The following HP1BP3 variants were observed in gnomAD, a reference collection of about 807,000 sequenced individuals.
HP1BP3 encodes heterochromatin protein 1 binding protein 3, also known as heterochromatin protein 1-binding protein 3.
Under a neutral mutation model 62.5 loss-of-function variants are expected in HP1BP3, and 12 were observed. The observed-to-expected ratio is 0.19, with a 90% CI of 0.12 to 0.31. The LOEUF (loss-of-function observed/expected upper bound fraction) is 0.31, where lower values mean the gene tolerates loss of function less well. HP1BP3 is among the 10% of genes least tolerant of loss of function. The pLI is 1.00. For synonymous variants in HP1BP3, 260 were observed against 237.8 expected (o/e 1.09, Z -0.86); for missense variants, 502 against 651.8 (o/e 0.77, Z 2.50).
Position 20,750,322 on chromosome 1 carries a change from AACACACACACACACACACAC to A in HP1BP3, c.982-460_982-441del, listed in dbSNP as rs67464129. On this transcript the variant is annotated intron_variant, in intron 9 of 12. Coordinates refer to ENST00000438032, the MANE Select transcript of HP1BP3 (RefSeq NM_001372052.1). ...CATGGCGAAACCTGTCTCTACTAAA[AACACACACACACACACACAC>A]ACACACACACACACACACACACACA... 6.0e-3 allele frequency: 836 copies of A among 139,182 alleles called. 10 individuals are homozygous for A. The highest frequency in any genetic ancestry group is 0.018 in the South Asian group (80 of 4,448). The allele number at this position is 139,182 out of a possible 1,614,324, so 8.6% of individuals were successfully genotyped here.
rs1320541738 is a variant in HP1BP3, at chr1:20,767,576, T to C, written c.735+8A>G. 6.3e-7 allele frequency: 1 copy of C among 1,583,364 alleles called. No individual in the cohort carries two copies. The highest frequency in any genetic ancestry group is 1.7e-5 in the Admixed American group (1 of 58,668). The stretch of plus-strand genomic sequence containing the variant: ...CACAGCACTCAAACTGTGGTATAGA[T>C]GTCTTACCTTTCTGTTTCTGGATTT... On this transcript the variant is annotated splice_region_variant and intron_variant, in intron 7 of 12. Transcript: ENST00000438032.
At chr1:20,782,908 GAAA>G (rs1056907677) in intron 1 of HP1BP3, among the ~76,000 whole-genome samples, 304 of 119,900 alleles carry the variant, frequency 2.5e-3, no homozygotes, top group Middle Eastern at 5.0e-3. Flanking sequence ...TCAAAAAAAA[GAAA>G]AAAAAAAAAA....
rs1402731578 is a variant in HP1BP3, at chr1:20,742,452, T to C, written c.*2345A>G. 2.6e-5 allele frequency among the ~76,000 whole-genome samples: 4 copies of C among 152,246 alleles called. No individual in the cohort carries two copies. Among genetic ancestry groups the C allele is most frequent in the Non-Finnish European group, 5.9e-5 (4 of 68,040 alleles). ...AAGCAGTCTTTAATAAAATACAAAA[T>C]GATTTTTTAAACCTTTGATTCATTA... is the stretch of plus-strand genomic sequence containing the variant. On this transcript the variant is annotated 3_prime_UTR_variant, in exon 13 of 13. Transcript: ENST00000438032.
At position 20,780,451 on chromosome 1, in the gene HP1BP3, T is replaced by C. The variant is rs780941769; in HGVS notation, c.-11A>G. 4.4e-6 allele frequency: 7 copies of C among 1,591,080 alleles called. No individual in the cohort carries two copies. In the East Asian group the frequency reaches 8.9e-5, roughly 20 times the overall value. ...CGTATCAGTCGCCATTTTAAATAAT[T>C]TCTAGGCCCGAGTACAGGTTACACT... On this transcript the variant is annotated 5_prime_UTR_variant, in exon 2 of 13. Coordinates refer to ENST00000438032, the MANE Select transcript of HP1BP3 (RefSeq NM_001372052.1).
intron 5 of HP1BP3, among the ~76,000 whole-genome samples, chr1:20,772,874 CATAAAT>C (rs1376746037): frequency 6.6e-6 from 1 of 152,116 alleles, no homozygotes; most frequent in African/African-American, 2.4e-5. Context: ...TCAATGAAAT[CATAAAT>C]CTATGTAAGG....
chr1:20,753,240 C>A (rs2055888281), intron 9 of HP1BP3, among the ~76,000 whole-genome samples: 1 of 152,168 alleles, frequency 6.6e-6, no homozygotes, highest in Non-Finnish European at 1.5e-5. Context: ...CCGCGCCTGA[C>A]CTGTAATACT....
chr1:20,758,296 T>C (rs566875031), intron 8 of HP1BP3, among the ~76,000 whole-genome samples: 8 of 152,362 alleles, frequency 5.3e-5, no homozygotes, highest in African/African-American at 1.9e-4. Flanking sequence ...CCAAGGACTA[T>C]TCTAAGAAGT....
At chr1:20,781,697 G>A (rs2057557869) in intron 1 of HP1BP3, among the ~76,000 whole-genome samples, 1 of 152,144 alleles carries the variant, frequency 6.6e-6, no homozygotes, top group Non-Finnish European at 1.5e-5. Flanking sequence ...CACGATCTCA[G>A]CTCGCTGCAA....
intron 11 of HP1BP3, among the ~76,000 whole-genome samples, chr1:20,746,184 A>AT (rs1467250353): frequency 1.6e-5 from 1 of 63,520 alleles, no homozygotes; most frequent in African/African-American, 7.7e-5. Flanking sequence ...ATACATACAT[A>AT]TATGTGTGTG....
At position 20,742,136 on chromosome 1, in the gene HP1BP3, G is replaced by A. The variant is rs2055100534; in HGVS notation, c.*2661C>T. On this transcript the variant is annotated 3_prime_UTR_variant, in exon 13 of 13. Coordinates refer to ENST00000438032, the MANE Select transcript of HP1BP3 (RefSeq NM_001372052.1). The stretch of plus-strand genomic sequence containing the variant: ...CTGGTGTGCAATACAGCCACCAGGT[G>A]ATTATTCAGTAAGTCTCTTTAAAAG... Among the ~76,000 whole-genome samples, 1 of 152,190 alleles carries A rather than the reference G, an allele frequency of 6.6e-6. No individual in the cohort carries two copies. The highest frequency in any genetic ancestry group is 6.5e-5 in the Admixed American group (1 of 15,282).
intron 1 of HP1BP3, among the ~76,000 whole-genome samples, chr1:20,782,539 G>A (rs1270689198): frequency 2.0e-5 from 3 of 151,160 alleles, no homozygotes; most frequent in Admixed American, 1.3e-4. Flanking sequence ...ACCTGAAATC[G>A]AGCCACTGCA....
At chr1:20,767,409 G>A (rs968208039) in intron 7 of HP1BP3, among the ~76,000 whole-genome samples, 175 bp downstream of exon 7, 13 of 152,172 alleles carry the variant, frequency 8.5e-5, no homozygotes, top group Middle Eastern at 6.3e-3. Context: ...GCTTGGATCT[G>A]CACCTTGGCT....
intron 4 of HP1BP3, chr1:20,776,067 TACAC>T: frequency 7.4e-7 from 1 of 1,357,692 alleles, no homozygotes; most frequent in Non-Finnish European, 9.8e-7. Context: ...TTTATATAGA[TACAC>T]ATCAATAGCA....
At chr1:20,777,039 C>T (rs375173719) in intron 3 of HP1BP3, among the ~76,000 whole-genome samples, 2 of 152,164 alleles carry the variant, frequency 1.3e-5, no homozygotes, top group South Asian at 4.1e-4. Context: ...TTGCAATATT[C>T]ATGAGACTCA....
rs552915828 is a variant in HP1BP3, at chr1:20,745,569, C to T, written c.1341G>A (p.Glu447=). The T allele has an allele frequency of 1.2e-6, 2 of 1,613,998 alleles. No individual in the cohort carries two copies. Among genetic ancestry groups the T allele is most frequent in the South Asian group, 2.2e-5 (2 of 91,078 alleles). Residue 447 remains glutamate (E), a synonymous_variant, in exon 12 of 13, where the codon GAG becomes GAA. Coordinates refer to ENST00000438032, the MANE Select transcript of HP1BP3 (RefSeq NM_001372052.1). ...DEDESSEEDS[E]DEEPPPKRRL... ...TTCTCTTAGGTGGCGGCTCTTCATC[C>T]TCAGAGTCTTCTTCTGATGACTCAT...
At chr1:20,757,294 A>G (rs765372893) in intron 8 of HP1BP3, 38 bp from the exon 9 acceptor site, 2 of 1,279,440 alleles carry the variant, frequency 1.6e-6, no homozygotes, top group South Asian at 1.3e-5. Context: ...TGATAAATAC[A>G]TTAATGAAAG....
chr1:20,748,654 G>T (rs12723997), intron 10 of HP1BP3, among the ~76,000 whole-genome samples: 4,237 of 152,234 alleles, frequency 0.028, 89 homozygotes, highest in Middle Eastern at 0.048. Flanking sequence ...CAGCTACTCA[G>T]GGGGTGGAGG....
intron 9 of HP1BP3, among the ~76,000 whole-genome samples, chr1:20,750,489 T>C (rs986246148): frequency 6.6e-6 from 1 of 151,570 alleles, no homozygotes; most frequent in Non-Finnish European, 1.5e-5. Flanking sequence ...ATCATGCCAC[T>C]GAACTCCAGC....
intron 9 of HP1BP3, among the ~76,000 whole-genome samples, chr1:20,754,254 AG>A (rs2055957593): frequency 6.6e-6 from 1 of 152,230 alleles, no homozygotes; most frequent in Non-Finnish European, 1.5e-5. Context: ...CCACCATTCA[AG>A]ACAGCATGGA....
Sources: gnomAD v4.1 joint callset for allele counts (sites outside exome capture counted in the v4.1 genomes callset) on GRCh38, gnomAD v4.1.1 for gene constraint, MANE v1.5 for transcripts, NCBI Gene and HGNC (gene_info 2026-07-23, HGNC 2026-07-21) for gene names.